The following DST variants were observed in gnomAD, a reference collection of about 807,000 sequenced individuals.
DST encodes the protein bullous pemphigoid antigen.
In DST, 253 loss-of-function variants were observed where a neutral mutation model predicts 875.2. The observed-to-expected ratio is 0.29, with a 90% CI of 0.26 to 0.32. DST has a LOEUF of 0.32. Ranked by LOEUF, DST falls within the 10% of genes least tolerant of loss-of-function variation. The pLI is 1.00. For missense variants in DST, 8,287 were observed against 9,111.6 expected (o/e 0.91, Z 3.68); for synonymous variants, 3,124 against 3,197.1 (o/e 0.98, Z 0.77).
At chr6:56,800,993 C>T (rs114638674) in intron 4 of DST, among the ~76,000 whole-genome samples, 3,056 of 137,926 alleles carry the variant, frequency 0.022, 102 homozygotes, top group African/African-American at 0.077. Flanking sequence ...GCACTCCAGC[C>T]GGGGCAACAG....
At chr6:56,838,897 G>C (rs2153070234) in intron 4 of DST, among the ~76,000 whole-genome samples, 1 of 152,340 alleles carries the variant, frequency 6.6e-6, no homozygotes, top group South Asian at 2.1e-4. Context: ...CTTTAGTGAA[G>C]TCAAATATAT....
chr6:56,862,313 T>C (rs1346328975), intron 3 of DST, among the ~76,000 whole-genome samples: 2 of 152,140 alleles, frequency 1.3e-5, no homozygotes, highest in Non-Finnish European at 2.9e-5. Context: ...AGGGAATGTA[T>C]TTCCTTTCTT....
At chr6:56,734,055 G>A (rs2099513765) in intron 5 of DST, among the ~76,000 whole-genome samples, 1 of 152,226 alleles carries the variant, frequency 6.6e-6, no homozygotes, top group Non-Finnish European at 1.5e-5. Flanking sequence ...TAGCCTGTAA[G>A]GAAGAGATCC....
intron 49 of DST, among the ~76,000 whole-genome samples, chr6:56,583,156 C>G (rs928466852): frequency 1.3e-5 from 2 of 152,198 alleles, no homozygotes; most frequent in Non-Finnish European, 2.9e-5. Flanking sequence ...TTCTAGATCC[C>G]TGAGGAATTG....
chr6:56,586,232 A>C (rs1412142357), intron 49 of DST, among the ~76,000 whole-genome samples: 1 of 150,966 alleles, frequency 6.6e-6, no homozygotes, highest in African/African-American at 2.4e-5. Context: ...TGGGAGTCTA[A>C]GTCTCTTTGT....
At chr6:56,599,739 C>T (rs1483199826) in intron 45 of DST, among the ~76,000 whole-genome samples, 1 of 151,980 alleles carries the variant, frequency 6.6e-6, no homozygotes, top group Non-Finnish European at 1.5e-5. Context: ...TGGCTATTTC[C>T]TCTGATTTGC....
intron 10 of DST, among the ~76,000 whole-genome samples, chr6:56,666,046 CTTA>C (rs759108705): frequency 6.6e-6 from 1 of 152,098 alleles, no homozygotes; most frequent in South Asian, 2.1e-4. Flanking sequence ...ATAAATTACA[CTTA>C]TTATAAAAAT....
chr6:56,894,821 C>A, intron 3 of DST, among the ~76,000 whole-genome samples: 1 of 86,432 alleles, frequency 1.2e-5, no homozygotes, highest in South Asian at 3.3e-4. Context: ...CCCCCCACCT[C>A]CCTCCCGGAT....
At chr6:56,884,474 C>T (rs1373744492) in intron 3 of DST, among the ~76,000 whole-genome samples, 1 of 152,070 alleles carries the variant, frequency 6.6e-6, no homozygotes, top group Non-Finnish European at 1.5e-5. Context: ...AGCAAGAATA[C>T]TTTATAAGTA....
intron 2 of DST, among the ~76,000 whole-genome samples, chr6:56,911,160 G>A (rs959218174): frequency 2.6e-5 from 4 of 152,174 alleles, no homozygotes; most frequent in Non-Finnish European, 5.9e-5. Flanking sequence ...AAAACTGAGA[G>A]CCTGGGCTGC....
chr6:56,646,146 C>T lies in DST; in HGVS notation c.1591G>A (p.Glu531Lys). The change falls in exon 14 of 104, where the codon GAA (glutamate) becomes AAA (lysine). Residue 531 changes from glutamate (E) to lysine (K), a missense_variant. Physicochemically the swap from Glu to Lys is moderately conservative, Grantham distance 56. Coordinates refer to ENST00000680361, the MANE Select transcript of DST (RefSeq NM_001374736.1). ...YNQYLQFKETEIPPKETEKSK... is the reference protein window; with the variant it reads ...YNQYLQFKETKIPPKETEKSK... ...TTTTCTGTCTCCTTTGGTGGAATTT[C>T]TGTTTCTTTAAACTGTAAATACTGA... 1 of 1,530,516 alleles carries T rather than the reference C, an allele frequency of 6.5e-7. No individual in the cohort carries two copies. Among genetic ancestry groups the T allele is most frequent in the Non-Finnish European group, 8.9e-7 (1 of 1,126,586 alleles). The allele number at this position is 1,530,516 out of a possible 1,614,324, so 94.8% of individuals were successfully genotyped here.
intron 5 of DST, among the ~76,000 whole-genome samples, chr6:56,734,005 C>T (rs904084986): frequency 6.6e-6 from 1 of 152,192 alleles, no homozygotes; most frequent in Non-Finnish European, 1.5e-5. Context: ...CTCCAGGCAA[C>T]TTATTACAGT....
At position 56,851,419 on chromosome 6, in the gene DST, C is replaced by A; in HGVS notation, c.603G>T (p.Glu201Asp). ...TACCTGCTATCCGAAGCACTGCCCT[C>A]TCGGCAGGGTCCAGCACTGAGCCCC... The part of the protein sequence containing the change: ...IQGGSVLDPA[E>D]RAVLRIADER... Residue 201 changes from glutamate to aspartate, a missense_variant, in exon 4 of 104, where the codon GAG becomes GAT. By Grantham distance (45) the Glu-to-Asp change is conservative. Around this residue, in one of 10 missense-constraint regions of DST, gnomAD observed 1,160 missense variants for 1,424.3 expected, o/e 0.81. Transcript: ENST00000680361. 3.1e-6 allele frequency: 5 copies of A among 1,613,524 alleles called. No individual in the cohort carries two copies. The highest frequency in any genetic ancestry group is 4.2e-6 in the Non-Finnish European group (5 of 1,179,886).
At chr6:56,480,109 G>A (rs2095351154) in intron 90 of DST, among the ~76,000 whole-genome samples, 1 of 152,166 alleles carries the variant, frequency 6.6e-6, no homozygotes, top group Non-Finnish European at 1.5e-5. Flanking sequence ...GTTCAAAAGA[G>A]TTGTGATTTA....
intron 53 of DST, among the ~76,000 whole-genome samples, chr6:56,570,503 C>G (rs1421255908): frequency 2.0e-5 from 3 of 151,994 alleles, no homozygotes; most frequent in Non-Finnish European, 4.4e-5. Context: ...GGTTCCTGGT[C>G]CTATGAGAAT....
chr6:56,482,495 C>G, intron 89 of DST, 188 bp downstream of exon 89: 1 of 592,432 alleles, frequency 1.7e-6, no homozygotes, highest in Non-Finnish European at 2.8e-6. Context: ...GAATGCCTCC[C>G]TCTAGCAGTA....
Position 56,604,268 on chromosome 6 carries a change from G to A in DST, c.10360C>T (p.His3454Tyr). The change falls in exon 40 of 104, where the codon CAT (histidine) becomes TAT (tyrosine). Residue 3454 changes from histidine (H) to tyrosine (Y), a missense_variant. Around this residue, in one of 10 missense-constraint regions of DST, gnomAD observed 3,138 missense variants for 3,116.6 expected, o/e 1.01. Transcript: ENST00000680361. Reference protein sequence around the residue: ...LLLNILKQDQHSQKITGVFEL... With the variant: ...LLLNILKQDQYSQKITGVFEL... ...AATACTCCTGTAATTTTTTGGCTAT[G>A]TTGATCTTGCTTCAATATATTAAGG... The A allele has an allele frequency of 1.2e-6, 2 of 1,611,712 alleles. No homozygotes were observed. The highest frequency in any genetic ancestry group is 2.2e-5 in the East Asian group (1 of 44,788).
chr6:56,940,002 C>G (rs538569216), intron 2 of DST, among the ~76,000 whole-genome samples: 1 of 150,694 alleles, frequency 6.6e-6, no homozygotes, highest in Non-Finnish European at 1.5e-5. Context: ...CTCCAGCCTG[C>G]GTGACAGAGC....
chr6:56,604,744 G>A lies in DST; in HGVS notation c.9884C>T (p.Ala3295Val), dbSNP rs371685139. The change falls in exon 40 of 104, where the codon GCA (alanine) becomes GTA (valine). Residue 3295 changes from alanine (A) to valine (V), a missense_variant. Physicochemically the swap from Ala to Val is moderately conservative, Grantham distance 64 (BLOSUM62 0). Around this residue, in one of 10 missense-constraint regions of DST, gnomAD observed 3,138 missense variants for 3,116.6 expected, o/e 1.01. Coordinates refer to ENST00000680361, the MANE Select transcript of DST (RefSeq NM_001374736.1). ...GGAGTTATCATTTCCTAATCCATTT[G>A]CACACCGCTCCGACTGCAGAAAATC... ...KNDFLQSERC[A>V]NGLGNDNSSN... is the part of the protein sequence containing the mutation. The A allele has an allele frequency of 3.7e-6, 6 of 1,612,408 alleles. No homozygotes were observed. The African/African-American group carries it at 8.0e-5, about 22-fold the overall frequency.
Sources: allele counts gnomAD v4.1 joint callset (sites outside exome capture counted in the v4.1 genomes callset), GRCh38; gene constraint gnomAD v4.1.1; regional missense constraint gnomAD v4.1.1; transcripts MANE v1.5; gene names NCBI Gene and HGNC (gene_info 2026-07-23, HGNC 2026-07-21).